Variants in MBP observed in about 807,000 individuals in gnomAD.
The protein encoded by MBP is myelin basic protein.
A neutral mutation model predicts 35.8 loss-of-function variants in MBP; 16 were observed. That is an observed-to-expected ratio of 0.45 (90% CI 0.30 to 0.68). The LOEUF is 0.68. Ranked by LOEUF, MBP falls within the 30% of genes least tolerant of loss-of-function variation. MBP has a pLI of 0.08. For synonymous variants in MBP, 143 were observed against 159.6 expected, an observed-to-expected ratio of 0.90 and a Z score of 0.78; for missense variants, 380 against 404.7, an observed-to-expected ratio of 0.94 and a Z score of 0.52.
intron 3 of MBP, 27 bp from the exon 4 acceptor site, chr18:77,017,295 C>G: frequency 2.0e-6 from 3 of 1,494,842 alleles, no homozygotes; most frequent in Non-Finnish European, 1.8e-6. Flanking sequence ...GATATGAATA[C>G]GGGCCTGTGC....
At chr18:77,029,337 T>C (rs1425594520) in intron 3 of MBP, among the ~76,000 whole-genome samples, 3 of 145,556 alleles carry the variant, frequency 2.1e-5, no homozygotes, top group South Asian at 2.3e-4. Context: ...GGCAGGGGGG[T>C]TGCAGTGAGC....
chr18:76,980,385 T>C lies in MBP; in HGVS notation c.*42A>G, dbSNP rs758095224. 1.2e-5 allele frequency: 19 copies of C among 1,584,572 alleles called. No homozygotes were observed. In the East Asian group the frequency reaches 4.2e-4, roughly 35 times the overall value. On this transcript the variant is annotated 3_prime_UTR_variant, in exon 9 of 9. Coordinates refer to ENST00000355994, the MANE Select transcript of MBP (RefSeq NM_001025101.2). ...TGGGATTAAAGTTTTAAGGCAGTTA[T>C]ATTAAGAAGCTGAGGACAGGATTCC...
chr18:77,001,849 C>CA (rs1018161584), intron 4 of MBP, among the ~76,000 whole-genome samples: 12 of 151,330 alleles, frequency 7.9e-5, no homozygotes, highest in Admixed American at 2.0e-4. Flanking sequence ...GACTTCATCT[C>CA]AAAAAAAAGA....
At chr18:77,068,314 C>T (rs114803659) in intron 2 of MBP, among the ~76,000 whole-genome samples, 2,142 of 152,276 alleles carry the variant, frequency 0.014, 51 homozygotes, top group African/African-American at 0.049. Flanking sequence ...TGGTACCAAG[C>T]CCAAATGAAG....
At chr18:77,108,201 A>G (rs946675197) in intron 1 of MBP, 3 of 152,266 alleles carry the variant, frequency 2.0e-5, no homozygotes, top group Non-Finnish European at 2.9e-5. Context: ...CGGGGCTAAG[A>G]GCTCAGCCTG....
At chr18:77,027,447 T>TGGGCAG (rs1481246233) in intron 3 of MBP, among the ~76,000 whole-genome samples, 2 of 152,178 alleles carry the variant, frequency 1.3e-5, no homozygotes, top group East Asian at 3.9e-4. Flanking sequence ...GGTGTCCCCC[T>TGGGCAG]GGGCAGGGGC....
In MBP at chr18:77,066,166, T is replaced by C. The variant is rs1226049849; in HGVS notation, c.139+132A>G. On this transcript the variant is annotated intron_variant, in intron 3 of 8. Transcript: ENST00000355994. ...CATGAAGCAATGATCCCAGCCTCTA[T>C]GTTTTAGTAATGAGTACAGACAGAT... The C allele has an allele frequency of 1.6e-5, 11 of 670,036 alleles. No individual in the cohort carries two copies. The East Asian group carries it at 2.9e-4, about 18-fold the overall frequency. The allele number at this position is 670,036 out of a possible 1,614,324, so 41.5% of individuals were successfully genotyped here.
chr18:77,105,314 C>T, intron 1 of MBP, 28 bp from the exon 2 acceptor site: 1 of 1,426,760 alleles, frequency 7.0e-7, no homozygotes, highest in East Asian at 2.3e-5. Context: ...AGTGTCAGCC[C>T]TAAGTCTAGT....
intron 3 of MBP, among the ~76,000 whole-genome samples, chr18:77,023,179 G>A (rs11663697): frequency 6.6e-6 from 1 of 152,130 alleles, no homozygotes; most frequent in Non-Finnish European, 1.5e-5. Flanking sequence ...ATGTATCTCC[G>A]AGTGGTTTCT....
intron 3 of MBP, among the ~76,000 whole-genome samples, chr18:77,024,507 T>C (rs1413486889): frequency 6.6e-6 from 1 of 152,276 alleles, no homozygotes; most frequent in East Asian, 1.9e-4. Context: ...TGCTTTATCC[T>C]TTCCTAAAGT....
intron 8 of MBP, chr18:76,984,201 T>C (rs1428869585): frequency 6.5e-6 from 1 of 154,172 alleles, no homozygotes; most frequent in Non-Finnish European, 1.4e-5. Flanking sequence ...CACTACCTTT[T>C]ACTTTCACAG....
intron 3 of MBP, among the ~76,000 whole-genome samples, chr18:77,030,855 T>G (rs1159927774): frequency 6.6e-6 from 1 of 152,210 alleles, no homozygotes; most frequent in Non-Finnish European, 1.5e-5. Flanking sequence ...TTCCTGTAAC[T>G]GACCCTGTTT....
At chr18:77,094,312 T>C (rs1975670039) in intron 2 of MBP, among the ~76,000 whole-genome samples, 1 of 152,214 alleles carries the variant, frequency 6.6e-6, no homozygotes, top group South Asian at 2.1e-4. Context: ...TCTATATTAT[T>C]TTATTCCTCT....
chr18:77,018,730 A>G (rs1268860462), intron 3 of MBP, among the ~76,000 whole-genome samples: 1 of 138,576 alleles, frequency 7.2e-6, no homozygotes, highest in South Asian at 2.4e-4. Flanking sequence ...CCATCCATCC[A>G]CCCCTCCATC....
At chr18:77,047,304 G>A (rs759834795) in intron 3 of MBP, among the ~76,000 whole-genome samples, 2 of 152,228 alleles carry the variant, frequency 1.3e-5, no homozygotes, top group African/African-American at 2.4e-5. Context: ...TCCTCCTGTC[G>A]TAAGGAGGAA....
chr18:77,067,978 C>A (rs1278460456), intron 2 of MBP: 1 of 395,904 alleles, frequency 2.5e-6, no homozygotes, highest in Non-Finnish European at 5.0e-6. Context: ...CACTCCGCCT[C>A]CTGGTCACTA....
intron 3 of MBP, among the ~76,000 whole-genome samples, chr18:77,048,516 T>C (rs1599139706): frequency 1.3e-5 from 2 of 151,014 alleles, no homozygotes; most frequent in South Asian, 2.1e-4. Flanking sequence ...TCGCCCAGGC[T>C]GGAGTGCAAT....
At chr18:77,122,883 GT>G (rs1481037742) in intron 1 of MBP, among the ~76,000 whole-genome samples, 1 of 152,110 alleles carries the variant, frequency 6.6e-6, no homozygotes, top group Non-Finnish European at 1.5e-5. Flanking sequence ...AGTTCTAGTC[GT>G]CATCATCCAG....
chr18:77,133,016 G>A (rs1977338056), upstream of MBP, among the ~76,000 whole-genome samples: 1 of 152,096 alleles, frequency 6.6e-6, no homozygotes, highest in African/African-American at 2.4e-5. Context: ...GCGGCCTGGA[G>A]CCTCGCCCGC....
Sources: gnomAD v4.1 joint callset for allele counts (sites outside exome capture counted in the v4.1 genomes callset) on GRCh38, gnomAD v4.1.1 for gene constraint, MANE v1.5 for transcripts, NCBI Gene and HGNC (gene_info 2026-07-23, HGNC 2026-07-21) for gene names.